EGFLAM: variants seen among roughly 807,000 people sequenced by gnomAD.
EGFLAM encodes the protein EGF like, fibronectin type III and laminin G domains, also known as pikachurin.
In EGFLAM, 79 loss-of-function variants were observed where a neutral mutation model predicts 113.1. The ratio of observed to expected loss-of-function variants is 0.70; its 90% CI spans 0.58 to 0.84. EGFLAM has a LOEUF of 0.84. Among genes scored for constraint, EGFLAM ranks in the 40% least tolerant of loss-of-function variants. The probability of loss-of-function intolerance (pLI) is 0.00; values close to 1 mark genes in which losing one functional copy is unlikely to be tolerated. For missense variants in EGFLAM, 1,265 were observed against 1,291.6 expected, an observed-to-expected ratio of 0.98 and a Z score of 0.32; for synonymous variants, 504 against 487.6, an observed-to-expected ratio of 1.03 and a Z score of -0.44.
intron 5 of EGFLAM, among the ~76,000 whole-genome samples, chr5:38,356,754 C>G (rs962944269): frequency 2.6e-5 from 4 of 152,160 alleles, no homozygotes; most frequent in Non-Finnish European, 5.9e-5. Context: ...CAAAATCAAT[C>G]CATTTGTAAA....
chr5:38,352,481 T>C, intron 5 of EGFLAM, 150 bp downstream of exon 5: 4 of 1,016,434 alleles, frequency 3.9e-6, no homozygotes, highest in East Asian at 2.9e-5. Flanking sequence ...ACCCCGTCTC[T>C]ACTAAAAATA....
rs1742908872 is a variant in EGFLAM, at chr5:38,451,413, G to T, written c.2642G>T (p.Ser881Ile). The change falls in exon 19 of 22, where the codon AGC becomes ATC. Residue 881 changes from serine to isoleucine, a missense_variant. Ser to Ile is a moderately radical substitution (Grantham distance 142). Coordinates refer to ENST00000322350, the MANE Select transcript of EGFLAM (RefSeq NM_152403.4). ...GGAGACAGCCCCATGAGACCCAACA[G>T]CGACTTCATTTCCTTGGGCCTTCGG... is the stretch of plus-strand genomic sequence containing the variant. ...WRGDSPMRPN[S>I]DFISLGLRDG... 5 of 1,614,232 alleles carry T rather than the reference G, an allele frequency of 3.1e-6. No homozygotes were observed. The highest frequency in any genetic ancestry group is 4.2e-6 in the Non-Finnish European group (5 of 1,180,040).
At chr5:38,331,161 T>C (rs1739030081) in intron 1 of EGFLAM, among the ~76,000 whole-genome samples, 1 of 152,110 alleles carries the variant, frequency 6.6e-6, no homozygotes, top group African/African-American at 2.4e-5. Context: ...TCCCATATAC[T>C]CCCTGTCCCC....
chr5:38,370,904 G>A (rs1200272259), intron 6 of EGFLAM, among the ~76,000 whole-genome samples: 3 of 152,176 alleles, frequency 2.0e-5, no homozygotes, highest in Admixed American at 6.5e-5. Context: ...AATGATGGTC[G>A]AGGAGTATCA....
At chr5:38,327,145 A>G (rs1289274345) in intron 1 of EGFLAM, among the ~76,000 whole-genome samples, 1 of 152,162 alleles carries the variant, frequency 6.6e-6, no homozygotes, top group Non-Finnish European at 1.5e-5. Flanking sequence ...ATTGACAGCT[A>G]AAAGATCTGC....
chr5:38,307,139 T>C (rs1359381773), intron 1 of EGFLAM, among the ~76,000 whole-genome samples: 2 of 152,310 alleles, frequency 1.3e-5, no homozygotes, highest in Middle Eastern at 3.4e-3. Flanking sequence ...AATAGAAGAA[T>C]TGTGAATAAA....
chr5:38,337,086 A>G (rs1739206483), intron 1 of EGFLAM, among the ~76,000 whole-genome samples: 1 of 152,260 alleles, frequency 6.6e-6, no homozygotes, highest in South Asian at 2.1e-4. Context: ...ATGTCCCACA[A>G]TAGGAATATC....
intron 10 of EGFLAM, among the ~76,000 whole-genome samples, chr5:38,410,733 C>T (rs1741452102): frequency 6.6e-6 from 1 of 152,146 alleles, no homozygotes; most frequent in Admixed American, 6.5e-5. Context: ...GAGGACACCC[C>T]TCCTCTGTCT....
At chr5:38,305,276 T>A (rs1758694239) in intron 1 of EGFLAM, among the ~76,000 whole-genome samples, 1 of 152,156 alleles carries the variant, frequency 6.6e-6, no homozygotes, top group Non-Finnish European at 1.5e-5. Context: ...GCTTTGGACT[T>A]ACCATCAATA....
At chr5:38,411,207 A>G (rs1741464859) in intron 10 of EGFLAM, among the ~76,000 whole-genome samples, 2 of 152,094 alleles carry the variant, frequency 1.3e-5, no homozygotes, top group Non-Finnish European at 2.9e-5. Context: ...AGGTGGGCGG[A>G]TCACGAGGTC....
chr5:38,312,434 G>A (rs994639322), intron 1 of EGFLAM, among the ~76,000 whole-genome samples: 1 of 151,976 alleles, frequency 6.6e-6, no homozygotes, highest in Admixed American at 6.6e-5. Context: ...GAGAGACGGG[G>A]TTTCACCATG....
chr5:38,430,990 C>T (rs1438865844), intron 14 of EGFLAM, among the ~76,000 whole-genome samples, 187 bp from the exon 15 acceptor site: 1 of 152,192 alleles, frequency 6.6e-6, no homozygotes, highest in African/African-American at 2.4e-5. Flanking sequence ...AGAGCCTCCG[C>T]AGATTCCATG....
At position 38,448,142 on chromosome 5, in the gene EGFLAM, C is replaced by T. The variant is rs1464546538; in HGVS notation, c.2465-159C>T. 3.9e-6 allele frequency: 3 copies of T among 762,504 alleles called. No individual in the cohort carries two copies. In the East Asian group the frequency reaches 7.5e-5, roughly 19 times the overall value. The allele number at this position is 762,504 out of a possible 1,614,324, so 47.2% of individuals were successfully genotyped here. A position where few individuals can be genotyped will look rare whatever the true frequency, so the allele number is the denominator to read the frequency against. ...AACCCCAGGCCATGGGGTTGGGCAA[C>T]TGTGAACCTGGCCAAATATGCGTGC... On this transcript the variant is annotated intron_variant, in intron 17 of 21. Coordinates refer to ENST00000322350, the MANE Select transcript of EGFLAM (RefSeq NM_152403.4).
chr5:38,306,266 C>T (rs539953296), intron 1 of EGFLAM, among the ~76,000 whole-genome samples: 3 of 149,050 alleles, frequency 2.0e-5, no homozygotes, highest in African/African-American at 5.0e-5. Flanking sequence ...GAGAGCATCA[C>T]TTTGAAGGGG....
rs16903950 is a variant in EGFLAM at position 38,350,846 on chromosome 5, T to A, written c.409+228T>A. 3.5e-3 allele frequency among the ~76,000 whole-genome samples: 536 copies of A among 152,240 alleles called. 18 individuals are homozygous for A. In the East Asian group the frequency reaches 0.072, roughly 20 times the overall value. On this transcript the variant is annotated intron_variant, in intron 4 of 21. Coordinates refer to ENST00000322350, the MANE Select transcript of EGFLAM (RefSeq NM_152403.4). ...CAGAGTGTGATAGATGCTCCAGCAC[T>A]GTAGGAATGTACAACACAGGGGTAA...
chr5:38,336,912 GTTAGAA>G (rs1157485185), intron 1 of EGFLAM, among the ~76,000 whole-genome samples: 2 of 152,050 alleles, frequency 1.3e-5, no homozygotes, highest in Admixed American at 6.6e-5. Context: ...ATTTCTGAAT[GTTAGAA>G]TTAGAGATAA....
intron 5 of EGFLAM, among the ~76,000 whole-genome samples, chr5:38,355,474 G>A (rs1739741539): frequency 6.6e-6 from 1 of 152,054 alleles, no homozygotes; most frequent in Admixed American, 6.6e-5. Flanking sequence ...TGAAATCAGG[G>A]GACAAGGGGA....
rs1741950939 is a variant in EGFLAM at position 38,425,006 on chromosome 5, T to C, written c.1724T>C (p.Ile575Thr). 6.2e-7 allele frequency: 1 copy of C among 1,614,048 alleles called. No homozygotes were observed. Among genetic ancestry groups the C allele is most frequent in the African/African-American group, 1.3e-5 (1 of 75,016 alleles). Residue 575 changes from isoleucine to threonine, a missense_variant, in exon 13 of 22, where the codon ATC (isoleucine) becomes ACC (threonine). Physicochemically the swap from Ile to Thr is moderately conservative, Grantham distance 89. Transcript: ENST00000322350. ...SSGICDEASC[I>T]HGGTCTAIKA... is the part of the protein sequence containing the mutation. ...GGAATCTGTGATGAGGCCTCGTGCATCCATGGTGGCACCTGCACAGCAATC... is the reference window on the plus strand; with the variant it reads ...GGAATCTGTGATGAGGCCTCGTGCACCCATGGTGGCACCTGCACAGCAATC...
At position 38,418,110 on chromosome 5, in the gene EGFLAM, T is replaced by C; in HGVS notation, c.1539T>C (p.Gly513=). 6.2e-7 allele frequency: 1 copy of C among 1,614,196 alleles called. No individual in the cohort carries two copies. The highest frequency in any genetic ancestry group is 8.5e-7 in the Non-Finnish European group (1 of 1,180,020). The change falls in exon 12 of 22, where the codon GGT becomes GGC. Residue 513 remains glycine (G), a synonymous_variant. Transcript: ENST00000322350. ...CTTTCCGGACACCTCTCTATCTTGG[T>C]GGCGCTCCCAGCGCTTACTGGTTGG... ...KITFRTPLYL[G]GAPSAYWLVR...
Sources: gnomAD v4.1 joint callset for allele counts (sites outside exome capture counted in the v4.1 genomes callset) on GRCh38, gnomAD v4.1.1 for gene constraint, MANE v1.5 for transcripts, NCBI Gene and HGNC (gene_info 2026-07-23, HGNC 2026-07-21) for gene names.